Variants in JPH3 observed in about 807,000 individuals in gnomAD.
JPH3 encodes the protein junctophilin 3.
JPH3 carries 11 observed loss-of-function variants against 59.6 expected under a neutral mutation model. That is an observed-to-expected ratio of 0.18 (90% CI 0.12 to 0.31). The LOEUF is 0.31. JPH3 is among the 10% of genes least tolerant of loss of function. The pLI is 1.00. For missense variants in JPH3, 1,202 were observed against 1,105.7 expected (o/e 1.09, Z -1.24); for synonymous variants, 673 against 483.6 (o/e 1.39, Z -5.14).
intron 2 of JPH3, among the ~76,000 whole-genome samples, chr16:87,658,531 T>C (rs985644758): frequency 6.6e-6 from 1 of 152,126 alleles, no homozygotes; most frequent in African/African-American, 2.4e-5. Flanking sequence ...GTTTCTGCTT[T>C]TGTTCCCCCT....
At chr16:87,643,269 A>G (rs994541649) in intron 1 of JPH3, among the ~76,000 whole-genome samples, 3 of 152,194 alleles carry the variant, frequency 2.0e-5, no homozygotes, top group African/African-American at 7.2e-5. Context: ...GACGGACCGC[A>G]TGGCGTCTGT....
chr16:87,638,302 C>G (rs551400737), intron 1 of JPH3, among the ~76,000 whole-genome samples: 2 of 152,298 alleles, frequency 1.3e-5, no homozygotes, highest in East Asian at 1.9e-4. Flanking sequence ...TCAAATGATT[C>G]TCCTGTCTCA....
intron 2 of JPH3, among the ~76,000 whole-genome samples, chr16:87,660,165 A>C (rs2032655216): frequency 6.6e-6 from 1 of 152,216 alleles, no homozygotes. Flanking sequence ...GAGAGACGGC[A>C]GTGCACAGGG....
intron 2 of JPH3, among the ~76,000 whole-genome samples, chr16:87,655,573 C>G (rs530561586): frequency 1.6e-4 from 24 of 152,170 alleles, no homozygotes; most frequent in Non-Finnish European, 3.2e-4. Context: ...AGGCTGGTCT[C>G]CAACTCCTGG....
At chr16:87,635,161 T>C (rs7195771) in intron 1 of JPH3, among the ~76,000 whole-genome samples, 45,932 of 151,738 alleles carry the variant, frequency 0.3, 7,139 homozygotes, top group Non-Finnish European at 0.34. Context: ...CTCAGGTCTT[T>C]AGTGGGCTCC....
chr16:87,624,016 C>G (rs1180348573), intron 1 of JPH3, among the ~76,000 whole-genome samples: 2 of 152,228 alleles, frequency 1.3e-5, no homozygotes, highest in African/African-American at 4.8e-5. Flanking sequence ...GACAGGGTAA[C>G]TGTGCGGCCC....
chr16:87,607,497 G>A (rs775145947), intron 1 of JPH3, among the ~76,000 whole-genome samples: 7 of 152,160 alleles, frequency 4.6e-5, no homozygotes, highest in Non-Finnish European at 7.4e-5. Context: ...TTTCCACCCC[G>A]TCCCCCAGAA....
rs761599199 is a variant in JPH3 at position 87,644,665 on chromosome 16, A to G, written c.790A>G (p.Ile264Val). ...SSTASDIHST[I>V]SLGEAEAELA... ...CACGGCCAGCGACATCCACTCCACC[A>G]TCAGCCTGGGCGAGGCTGAGGCCGA... Residue 264 changes from isoleucine (I) to valine (V), a missense_variant, in exon 2 of 5, where the codon ATC (isoleucine) becomes GTC (valine). Physicochemically the swap from Ile to Val is conservative, Grantham distance 29. Transcript: ENST00000284262. The G allele has an allele frequency of 3.7e-6, 6 of 1,611,410 alleles. No individual in the cohort carries two copies. The highest frequency in any genetic ancestry group is 1.7e-5 in the Admixed American group (1 of 59,998).
intron 3 of JPH3, among the ~76,000 whole-genome samples, chr16:87,687,283 G>C (rs1404035000): frequency 1.3e-5 from 2 of 152,168 alleles, no homozygotes; most frequent in Admixed American, 1.3e-4. Context: ...AGGGGAACAG[G>C]GTTGCCAGAG....
In JPH3 at chr16:87,674,162, G is replaced by A. The variant is rs550745956; in HGVS notation, c.1161-9980G>A. Reference sequence around the variant, plus strand: ...ATCCTGGCTAACACGGTGAAACCCCGTCTCTACTAAAAATACAAAAAATTA... The same window carrying A: ...ATCCTGGCTAACACGGTGAAACCCCATCTCTACTAAAAATACAAAAAATTA... On this transcript the variant is annotated intron_variant, in intron 2 of 4. Coordinates refer to ENST00000284262, the MANE Select transcript of JPH3 (RefSeq NM_020655.4). Among the ~76,000 whole-genome samples the A allele has an allele frequency of 5.3e-5, 8 of 151,788 alleles. No individual in the cohort carries two copies. In the South Asian group the frequency reaches 1.0e-3, roughly 20 times the overall value.
At chr16:87,643,092 C>G (rs2032009112) in intron 1 of JPH3, among the ~76,000 whole-genome samples, 2 of 152,202 alleles carry the variant, frequency 1.3e-5, no homozygotes, top group Admixed American at 1.3e-4. Flanking sequence ...CTTTCTGCAT[C>G]TCTGAGCGTG....
chr16:87,605,453 G>A lies in JPH3; in HGVS notation c.382+1925G>A, dbSNP rs550168681. Among the ~76,000 whole-genome samples the A allele has an allele frequency of 2.0e-5, 3 of 152,342 alleles. No individual in the cohort carries two copies. The East Asian group carries it at 5.8e-4, about 29-fold the overall frequency. ...CTTTGGAAAAACCACACTGAGCAAA[G>A]CAGACACAGATCTTTGCCCTCACGG... On this transcript the variant is annotated intron_variant, in intron 1 of 4. Transcript: ENST00000284262.
intron 2 of JPH3, among the ~76,000 whole-genome samples, chr16:87,671,225 C>T (rs1178090376): frequency 6.6e-6 from 1 of 152,196 alleles, no homozygotes; most frequent in Non-Finnish European, 1.5e-5. Flanking sequence ...CGACTCCTAG[C>T]ATGCTCTCAC....
rs1339163851 is a variant in JPH3 at position 87,644,673 on chromosome 16, G to A, written c.798G>A (p.Leu266=). ...TASDIHSTIS[L]GEAEAELAVI... ...GCGACATCCACTCCACCATCAGCCT[G>A]GGCGAGGCTGAGGCCGAGCTGGCGG... Residue 266 remains leucine (L), a synonymous_variant, in exon 2 of 5, where the codon CTG becomes CTA. Transcript: ENST00000284262. 2 of 1,611,776 alleles carry A rather than the reference G, an allele frequency of 1.2e-6. No homozygotes were observed. The highest frequency in any genetic ancestry group is 1.7e-6 in the Non-Finnish European group (2 of 1,179,916).
At chr16:87,678,510 G>A (rs1171423494) in intron 2 of JPH3, among the ~76,000 whole-genome samples, 3 of 152,090 alleles carry the variant, frequency 2.0e-5, no homozygotes, top group Non-Finnish European at 4.4e-5. Flanking sequence ...CTGCACTCCA[G>A]TGTGGACAGC....
intron 2 of JPH3, among the ~76,000 whole-genome samples, chr16:87,677,711 C>G (rs1440800794): frequency 2.0e-5 from 3 of 152,228 alleles, no homozygotes; most frequent in African/African-American, 7.2e-5. Flanking sequence ...ATTGGCTGGG[C>G]TGGAAGGCTC....
chr16:87,602,693 T>G lies in JPH3; in HGVS notation c.-454T>G, dbSNP rs1199215538. On this transcript the variant is annotated 5_prime_UTR_variant, in exon 1 of 5. Transcript: ENST00000284262. ...CCGCCCGCGGGCCCCGCCGCCGCCC[T>G]CGGGCGCCCGCAGCGCGGCAGCCGC... Among the ~76,000 whole-genome samples the G allele has an allele frequency of 8.2e-5, 6 of 73,000 alleles. No homozygotes were observed. Among genetic ancestry groups the G allele is most frequent in the Admixed American group, 1.4e-4 (1 of 7,130 alleles). 47.9% of individuals were successfully genotyped at this position (73,000 alleles called of 152,430 possible).
intron 2 of JPH3, among the ~76,000 whole-genome samples, 160 bp downstream of exon 2, chr16:87,645,195 C>T (rs975555791): frequency 1.3e-5 from 2 of 152,146 alleles, no homozygotes; most frequent in Non-Finnish European, 2.9e-5. Context: ...CCTAGGGTTC[C>T]CTGGAGGTTC....
At chr16:87,695,414 C>T (rs538597762) in intron 4 of JPH3, 15 of 456,084 alleles carry the variant, frequency 3.3e-5, no homozygotes, top group East Asian at 2.1e-4. Flanking sequence ...CCATCTGTGT[C>T]GCACAGCAGC....
Sources: allele counts gnomAD v4.1 joint callset (sites outside exome capture counted in the v4.1 genomes callset), GRCh38; gene constraint gnomAD v4.1.1; transcripts MANE v1.5; gene names NCBI Gene and HGNC (gene_info 2026-07-23, HGNC 2026-07-21).